Variants in CENPN observed in about 807,000 individuals in gnomAD.
CENPN encodes the protein centromere protein N.
In CENPN, 36 loss-of-function variants were observed where a neutral mutation model predicts 48.6. The ratio of observed to expected loss-of-function variants is 0.74; its 90% confidence interval spans 0.57 to 0.98. The LOEUF is 0.98. Ranked by LOEUF, CENPN falls within the 50% of genes least tolerant of loss-of-function variation. The pLI, the probability that CENPN is intolerant of heterozygous loss-of-function variation, is 0.00. For synonymous variants in CENPN, 166 were observed against 135.2 expected, an observed-to-expected ratio of 1.23 and a Z score of -1.58; for missense variants, 439 against 399.2, an observed-to-expected ratio of 1.10 and a Z score of -0.85.
chr16:81,014,623 A>G (rs1255707154), intron 3 of CENPN, among the ~76,000 whole-genome samples: 1 of 152,162 alleles, frequency 6.6e-6, no homozygotes, highest in Admixed American at 6.6e-5. Context: ...GACAAGTTGC[A>G]TCACCTTTCT....
chr16:81,015,597 G>T (rs1019375027), intron 3 of CENPN, among the ~76,000 whole-genome samples: 52 of 152,330 alleles, frequency 3.4e-4, no homozygotes, highest in African/African-American at 1.1e-3. Flanking sequence ...AGCTATTGCT[G>T]AATTTGGAGC....
intron 4 of CENPN, 133 bp downstream of exon 4, chr16:81,017,518 A>C (rs1969981436): frequency 4.2e-6 from 3 of 712,986 alleles, no homozygotes; most frequent in South Asian, 3.6e-5. Context: ...TCCAAAAAAA[A>C]AAAATAGCAG....
rs756548772 is a variant in CENPN, at chr16:81,026,608, T to C, written c.780T>C (p.Pro260=). The C allele has an allele frequency of 6.3e-6, 10 of 1,597,902 alleles. No homozygotes were observed. Among genetic ancestry groups the C allele is most frequent in the Non-Finnish European group, 8.6e-6 (10 of 1,167,394 alleles). ...CTCAAGAAACATTTGGAGATTATCC[T>C]CAACCACAACTAGAATTTGCACAAT... The part of the protein sequence containing the change: ...RITQETFGDY[P]QPQLEFAQYK... The change falls in exon 9 of 11, where the codon CCT becomes CCC. Residue 260 remains proline, a synonymous_variant. Coordinates refer to ENST00000305850, the MANE Select transcript of CENPN (RefSeq NM_001100624.3).
At position 81,017,737 on chromosome 16, in the gene CENPN, AT is replaced by A. The variant is rs542053894; in HGVS notation, c.278-12del. On this transcript the variant is annotated intron_variant, in intron 4 of 10. Coordinates refer to ENST00000305850, the MANE Select transcript of CENPN (RefSeq NM_001100624.3). The stretch of plus-strand genomic sequence containing the variant: ...ATTGTAGCTCCCTTGATTTTTCTTT[AT>A]TTTTTTTTCACTTTGGCAGGTGAAG... 269 of 1,461,524 alleles carry A rather than the reference AT, an allele frequency of 1.8e-4. No individual in the cohort carries two copies. The highest frequency in any genetic ancestry group is 3.5e-4 in the Admixed American group (17 of 48,002). The allele number at this position is 1,461,524 out of a possible 1,614,324, so 90.5% of individuals were successfully genotyped here.
chr16:81,024,542 C>G (rs1461261755), intron 7 of CENPN, 173 bp from the exon 8 acceptor site: 8 of 488,020 alleles, frequency 1.6e-5, no homozygotes, highest in Non-Finnish European at 2.9e-5. Context: ...GCAGGCTCAG[C>G]AGCCTCCTTG....
At chr16:81,011,792 T>TA in intron 1 of CENPN, 138 bp from the exon 2 acceptor site, 1 of 651,004 alleles carries the variant, frequency 1.5e-6, no homozygotes, top group South Asian at 2.3e-5. Flanking sequence ...TGCTTGAGCC[T>TA]AAGAGTTCAA....
intron 3 of CENPN, among the ~76,000 whole-genome samples, chr16:81,014,946 A>G (rs1567548527): frequency 1.3e-5 from 2 of 152,080 alleles, no homozygotes; most frequent in African/African-American, 4.8e-5. Flanking sequence ...ATGATAGAAG[A>G]CTCTGTTGGA....
chr16:81,008,808 G>C (rs908771971), intron 1 of CENPN, among the ~76,000 whole-genome samples: 19 of 152,212 alleles, frequency 1.2e-4, no homozygotes, highest in African/African-American at 4.3e-4. Flanking sequence ...AGGCAGTTCT[G>C]GTCTAGGAGT....
chr16:81,028,939 G>T lies in CENPN; in HGVS notation c.*288G>T. 9.2e-7 allele frequency: 1 copy of T among 1,086,708 alleles called. No homozygotes were observed. The highest frequency in any genetic ancestry group is 1.1e-6 in the Non-Finnish European group (1 of 895,916). 67.3% of individuals were successfully genotyped at this position (1,086,708 alleles called of 1,614,324 possible). ...GAGTGCCTGAATGCTCTGAAATCAA[G>T]CATATGGCACAGCGCTCAAGACTTT... On this transcript the variant is annotated 3_prime_UTR_variant, in exon 11 of 11. Transcript: ENST00000305850.
chr16:81,017,390 T>G lies in CENPN; in HGVS notation c.277+5T>G, dbSNP rs1212568976. On this transcript the variant is annotated splice_donor_5th_base_variant and intron_variant, in intron 4 of 10. Coordinates refer to ENST00000305850, the MANE Select transcript of CENPN (RefSeq NM_001100624.3). ...TTCAGATGAGTAAAGGACCAGGTAA[T>G]ATTTTCTGTTTACAATTGAATATTT... The G allele has an allele frequency of 6.4e-7, 1 of 1,561,298 alleles. No individual in the cohort carries two copies. Among genetic ancestry groups the G allele is most frequent in the African/African-American group, 1.4e-5 (1 of 73,748 alleles).
intron 3 of CENPN, chr16:81,016,887 G>A (rs1359964454): frequency 1.7e-5 from 3 of 178,836 alleles, no homozygotes; most frequent in African/African-American, 2.4e-5. Context: ...TGATCCGGGC[G>A]GGGACTACTC....
At chr16:81,007,658 C>T (rs1193858219) in intron 1 of CENPN, among the ~76,000 whole-genome samples, 1 of 152,148 alleles carries the variant, frequency 6.6e-6, no homozygotes, top group Admixed American at 6.5e-5. Context: ...GTCCCTGTAC[C>T]CTCTTGCGTT....
chr16:81,014,310 C>T, intron 3 of CENPN, 129 bp downstream of exon 3: 1 of 708,538 alleles, frequency 1.4e-6, no homozygotes, highest in Non-Finnish European at 2.5e-6. Context: ...TCTCAGCTCA[C>T]CGCGACCTCT....
chr16:81,032,765 AC>A, downstream of CENPN: 2 of 1,448,444 alleles, frequency 1.4e-6, no homozygotes, highest in Non-Finnish European at 1.9e-6. Context: ...TATACAGCTA[AC>A]TGCTATAGAC....
At chr16:81,027,976 A>T (rs1220042228) in intron 9 of CENPN, among the ~76,000 whole-genome samples, 195 bp from the exon 10 acceptor site, 1 of 152,156 alleles carries the variant, frequency 6.6e-6, no homozygotes, top group Non-Finnish European at 1.5e-5. Flanking sequence ...AAGTGCTGAG[A>T]TTACAGGCAT....
chr16:81,007,571 C>G (rs1969488535), intron 1 of CENPN: 1 of 152,346 alleles, frequency 6.6e-6, no homozygotes, highest in South Asian at 2.1e-4. Context: ...AGGGGCTCCG[C>G]TCTACGATCC....
intron 1 of CENPN, among the ~76,000 whole-genome samples, chr16:81,008,980 G>C (rs1969627816): frequency 6.6e-6 from 1 of 152,252 alleles, no homozygotes; most frequent in South Asian, 2.1e-4. Context: ...GCCGAGGCGG[G>C]AGGATCACTT....
At chr16:81,024,676 A>G in intron 7 of CENPN, 39 bp from the exon 8 acceptor site, 2 of 1,324,616 alleles carry the variant, frequency 1.5e-6, no homozygotes, top group Non-Finnish European at 2.1e-6. Flanking sequence ...GTACTTCAAG[A>G]TGTCAAGATT....
chr16:81,019,786 T>C (rs931525247), intron 5 of CENPN, among the ~76,000 whole-genome samples: 2 of 151,526 alleles, frequency 1.3e-5, no homozygotes, highest in African/African-American at 4.8e-5. Context: ...TGAGATGGGA[T>C]TGCTTGAGCC....
Sources: gnomAD v4.1 joint callset for allele counts (sites outside exome capture counted in the v4.1 genomes callset) on GRCh38, gnomAD v4.1.1 for gene constraint, MANE v1.5 for transcripts, NCBI Gene and HGNC (gene_info 2026-07-23, HGNC 2026-07-21) for gene names.